Variants in MED23 observed in about 807,000 individuals in gnomAD.
MED23 encodes the protein mediator complex subunit 23.
MED23 carries 105 observed loss-of-function variants against 163.9 expected under a neutral mutation model. The observed-to-expected ratio is 0.64, with a 90% confidence interval of 0.55 to 0.75. The LOEUF (loss-of-function observed/expected upper bound fraction) is 0.75, where lower values mean the gene tolerates loss of function less well. Among genes scored for constraint, MED23 ranks in the 30% least tolerant of loss-of-function variants. The pLI is 0.00. For missense variants in MED23, 1,054 were observed against 1,649.0 expected (o/e 0.64, Z 6.25); for synonymous variants, 561 against 565.6 (o/e 0.99, Z 0.12).
At chr6:131,619,415 T>C (rs929338076) in intron 8 of MED23, among the ~76,000 whole-genome samples, 1 of 151,682 alleles carries the variant, frequency 6.6e-6, no homozygotes, top group African/African-American at 2.4e-5. Context: ...TAACAAAACA[T>C]GGGAAAATGC....
rs1774239367 is a variant in MED23 at position 131,587,260 on chromosome 6, A to C, written c.*419T>G. ...AATCTACCAAGAGATTTATGTATAA[A>C]ATATTTGTAATAACTGTTTTACATG... is the stretch of plus-strand genomic sequence containing the variant. On this transcript the variant is annotated 3_prime_UTR_variant, in exon 29 of 29. Transcript: ENST00000368068. 1 of 1,028,978 alleles carries C rather than the reference A, an allele frequency of 9.7e-7. No individual in the cohort carries two copies. The highest frequency in any genetic ancestry group is 1.2e-6 in the Non-Finnish European group (1 of 842,572). The allele number at this position is 1,028,978 out of a possible 1,614,324, so 63.7% of individuals were successfully genotyped here. A position where few individuals can be genotyped will look rare whatever the true frequency, so the allele number is the denominator to read the frequency against.
At chr6:131,577,591 T>C (rs1201500705) in intron 30 of MED23, among the ~76,000 whole-genome samples, 10 of 151,708 alleles carry the variant, frequency 6.6e-5, no homozygotes, top group Admixed American at 5.9e-4. Flanking sequence ...TGCAACGAGA[T>C]AGTATTCAAC....
intron 12 of MED23, among the ~76,000 whole-genome samples, chr6:131,607,162 A>G (rs1010370265): frequency 1.3e-5 from 2 of 151,962 alleles, no homozygotes; most frequent in African/African-American, 4.8e-5. Context: ...AGGAGGAAAG[A>G]TGAAACAAGA....
At chr6:131,606,806 C>T (rs1775885679) in intron 12 of MED23, among the ~76,000 whole-genome samples, 182 bp from the exon 13 acceptor site, 2 of 152,082 alleles carry the variant, frequency 1.3e-5, no homozygotes, top group East Asian at 3.9e-4. Context: ...GAAATTATTA[C>T]AAGATGCTTT....
downstream of MED23, chr6:131,582,715 A>T: frequency 1.9e-6 from 3 of 1,613,418 alleles, no homozygotes; most frequent in Non-Finnish European, 2.5e-6. Context: ...CCTGGGGAAC[A>T]GTAAGCTTAT....
downstream of MED23, chr6:131,583,985 A>G: frequency 6.6e-7 from 1 of 1,515,860 alleles, no homozygotes; most frequent in South Asian, 1.2e-5. Flanking sequence ...GCATAGAGTT[A>G]TCCTTCTAAA....
At chr6:131,596,190 G>C in intron 21 of MED23, 27 bp from the exon 22 acceptor site, 1 of 1,591,882 alleles carries the variant, frequency 6.3e-7, no homozygotes. Context: ...ATGATAAATG[G>C]TTAGAGCATT....
In MED23 at chr6:131,590,471, G is replaced by A. The variant is rs762962044; in HGVS notation, c.3687-29C>T. 3.9e-6 allele frequency: 6 copies of A among 1,538,648 alleles called. No individual in the cohort carries two copies. In the South Asian group the frequency reaches 6.8e-5, roughly 17 times the overall value. ...AAATTTGAAGATAAAAATCTCCTGT[G>A]ACTTGAAATTATTTAAATTGTTTGA... On this transcript the variant is annotated intron_variant, in intron 26 of 28. Coordinates refer to ENST00000368068, the MANE Select transcript of MED23 (RefSeq NM_004830.4).
intron 30 of MED23, among the ~76,000 whole-genome samples, chr6:131,578,310 G>A (rs187050862): frequency 7.9e-5 from 12 of 152,116 alleles, no homozygotes; most frequent in African/African-American, 2.7e-4. Context: ...ATTTCTTGGA[G>A]GCGTTACTAA....
At chr6:131,627,721 G>A in intron 1 of MED23, 49 bp from the exon 2 acceptor site, 1 of 1,552,762 alleles carries the variant, frequency 6.4e-7, no homozygotes, top group Non-Finnish European at 8.8e-7. Flanking sequence ...TTTTAAAAAG[G>A]CGCCTCCCTT....
Position 131,605,290 on chromosome 6 carries a change from G to A in MED23, c.1563C>T (p.Thr521=). ...AATCCAGGAGGTTCATAGGTAAGGG[G>A]GTAATAGATCCTGAAGCCATACAGT... ...GTNCMASGSI[T]PLPMNLLDSL... The change falls in exon 14 of 29, where the codon ACC becomes ACT. Residue 521 remains threonine (T), a synonymous_variant. Coordinates refer to ENST00000368068, the MANE Select transcript of MED23 (RefSeq NM_004830.4). 6.2e-7 allele frequency: 1 copy of A among 1,613,370 alleles called. No homozygotes were observed. The highest frequency in any genetic ancestry group is 8.5e-7 in the Non-Finnish European group (1 of 1,179,512).
Position 131,593,181 on chromosome 6 carries a change from G to A in MED23, c.3233-10C>T, listed in dbSNP as rs751718441. 1.2e-6 allele frequency: 2 copies of A among 1,614,080 alleles called. No individual in the cohort carries two copies. Among genetic ancestry groups the A allele is most frequent in the Admixed American group, 3.3e-5 (2 of 60,014 alleles). On this transcript the variant is annotated splice_polypyrimidine_tract_variant and intron_variant, in intron 23 of 28. Coordinates refer to ENST00000368068, the MANE Select transcript of MED23 (RefSeq NM_004830.4). ...GATTTGCCAGCCATCGGTGCACACA[G>A]TTAAAGCAATAACAATTGGACTATC...
intron 27 of MED23, 130 bp from the exon 28 acceptor site, chr6:131,589,726 T>C: frequency 1.3e-6 from 1 of 790,888 alleles, no homozygotes; most frequent in Non-Finnish European, 2.2e-6. Context: ...TCATATACCA[T>C]ATACACCTCT....
chr6:131,627,911 G>A, intron 1 of MED23, 100 bp downstream of exon 1: 1 of 1,443,302 alleles, frequency 6.9e-7, no homozygotes, highest in East Asian at 2.3e-5. Flanking sequence ...TAAAAAGGGA[G>A]GCGTGAGAGG....
intron 7 of MED23, 131 bp downstream of exon 7, chr6:131,620,497 G>C: frequency 1.4e-6 from 1 of 693,858 alleles, no homozygotes; most frequent in Non-Finnish European, 2.6e-6. Context: ...ACAGAGTCTT[G>C]TTATGTTACC....
intron 12 of MED23, 151 bp from the exon 13 acceptor site, chr6:131,606,775 G>T (rs778817486): frequency 2.8e-6 from 2 of 722,956 alleles, no homozygotes; most frequent in Non-Finnish European, 4.5e-6. Context: ...AAATCAGAAG[G>T]TCTAACAGCC....
chr6:131,601,678 T>A (rs1775493003), intron 17 of MED23, among the ~76,000 whole-genome samples: 1 of 152,218 alleles, frequency 6.6e-6, no homozygotes, highest in Non-Finnish European at 1.5e-5. Flanking sequence ...TCTAAGCAGA[T>A]GAGAATCCAA....
In MED23 at chr6:131,598,318, A is replaced by C; in HGVS notation, c.2576T>G (p.Ile859Ser). ...ILNDMVWKYN[I>S]VTLDRLILCL... ...GAGAATTAATCTGTCCAGTGTAACA[A>C]TGTTATACTTCCATACCATGTCATT... The change falls in exon 20 of 29, where the codon ATT becomes AGT. Residue 859 changes from isoleucine (I) to serine (S), a missense_variant. By Grantham distance (142) the Ile-to-Ser change is moderately radical (BLOSUM62 -2). Around this residue, in one of 11 missense-constraint regions of MED23, gnomAD observed 228 missense variants for 461.3 expected, o/e 0.49. Transcript: ENST00000368068. The surrounding 1 kb of genome is among the most constrained non-coding windows in gnomAD (Gnocchi z 4.7). 2 of 1,613,862 alleles carry C rather than the reference A, an allele frequency of 1.2e-6. No homozygotes were observed. Among genetic ancestry groups the C allele is most frequent in the Non-Finnish European group, 1.7e-6 (2 of 1,179,760 alleles).
At position 131,615,503 on chromosome 6, in the gene MED23, C is replaced by CAAAAAAAAAAAA. The variant is rs917020235; in HGVS notation, c.876+392_876+403dup. ...CCACCAAAAACAAGCAAACACACACCAAAAAAAAAAAAAAAAAAAAAAAAA... is the reference window on the plus strand; with the variant it reads ...CCACCAAAAACAAGCAAACACACACCAAAAAAAAAAAAAAAAAAAAAAAAAAAAAAAAAAAAA... On this transcript the variant is annotated intron_variant, in intron 10 of 28. Transcript: ENST00000368068. Among the ~76,000 whole-genome samples the CAAAAAAAAAAAA allele has an allele frequency of 1.1e-3, 16 of 14,160 alleles. 4 individuals are homozygous for CAAAAAAAAAAAA. The highest frequency in any genetic ancestry group is 2.7e-3 in the African/African-American group (9 of 3,308). The allele number at this position is 14,160 out of a possible 152,430, so 9.3% of individuals were successfully genotyped here.
Sources: allele counts gnomAD v4.1 joint callset (sites outside exome capture counted in the v4.1 genomes callset), GRCh38; gene constraint gnomAD v4.1.1; regional missense constraint gnomAD v4.1.1; non-coding constraint Gnocchi (gnomAD v3.1); transcripts MANE v1.5; gene names NCBI Gene and HGNC (gene_info 2026-07-23, HGNC 2026-07-21).